The following VPS37C variants were observed in gnomAD, a reference collection of about 807,000 sequenced individuals.
The protein encoded by VPS37C is vacuolar protein sorting-associated protein 37C.
In VPS37C, 9 loss-of-function variants were observed where a neutral mutation model predicts 16.1. The ratio of observed to expected loss-of-function variants is 0.56; its 90% CI spans 0.34 to 0.97. The LOEUF is 0.97. Ranked by LOEUF, VPS37C falls within the 50% of genes least tolerant of loss-of-function variation. The pLI is 0.02. For synonymous variants in VPS37C, 207 were observed against 206.4 expected (o/e 1.00, Z -0.02); for missense variants, 479 against 472.7 (o/e 1.01, Z -0.12).
Position 61,131,630 on chromosome 11 carries a change from C to G in VPS37C, c.*190G>C. On this transcript the variant is annotated 3_prime_UTR_variant, in exon 5 of 5. Transcript: ENST00000301765. ...GAGGGGCTTCCAGGAGGACCTCTGG[C>G]CAGAAGGCCAGCAAGTGCCATGACC... The G allele has an allele frequency of 1.2e-6, 1 of 827,118 alleles. No homozygotes were observed. Among genetic ancestry groups the G allele is most frequent in the Non-Finnish European group, 1.6e-6 (1 of 618,854 alleles). The allele number at this position is 827,118 out of a possible 1,614,324, so 51.2% of individuals were successfully genotyped here.
intron 1 of VPS37C, 180 bp downstream of exon 1, chr11:61,161,211 G>A (rs1318037994): frequency 6.6e-6 from 1 of 152,128 alleles, no homozygotes; most frequent in East Asian, 1.9e-4. Context: ...CCACCGCGAG[G>A]GGCAGGGGCG....
Position 61,132,185 on chromosome 11 carries a change from A to C in VPS37C, c.703T>G (p.Ser235Ala). The C allele has an allele frequency of 6.7e-7, 1 of 1,483,702 alleles. No individual in the cohort carries two copies. The highest frequency in any genetic ancestry group is 9.0e-7 in the Non-Finnish European group (1 of 1,116,914). The allele number at this position is 1,483,702 out of a possible 1,614,324, so 91.9% of individuals were successfully genotyped here. A position where few individuals can be genotyped will look rare whatever the true frequency, so the allele number is the denominator to read the frequency against. The change falls in exon 5 of 5, where the codon TCC (serine) becomes GCC (alanine). Residue 235 changes from serine (S) to alanine (A), a missense_variant. Ser to Ala is a moderately conservative substitution (Grantham distance 99). Coordinates refer to ENST00000301765, the MANE Select transcript of VPS37C (RefSeq NM_017966.5). ...PAPFPVVSQPSFYSGPLGPTY... is the reference protein window; with the variant it reads ...PAPFPVVSQPAFYSGPLGPTY... ...GGGCCCAGAGGCCCGCTGTAGAAGG[A>C]GGGCTGGGACACTACTGGGAAAGGG...
intron 2 of VPS37C, among the ~76,000 whole-genome samples, chr11:61,136,717 T>C (rs1861382206): frequency 1.3e-5 from 2 of 152,248 alleles, no homozygotes. Flanking sequence ...AGGAAGAATC[T>C]ATACTCATAC....
chr11:61,154,235 T>C (rs564658789), intron 1 of VPS37C, among the ~76,000 whole-genome samples: 1 of 152,168 alleles, frequency 6.6e-6, no homozygotes, highest in Non-Finnish European at 1.5e-5. Context: ...AGACTCATAA[T>C]GAGGGAAGCA....
chr11:61,138,937 G>T, intron 1 of VPS37C, 102 bp from the exon 2 acceptor site: 1 of 1,064,116 alleles, frequency 9.4e-7, no homozygotes, highest in Non-Finnish European at 1.4e-6. Flanking sequence ...GAGTTTTCCT[G>T]CGATAATACC....
intron 1 of VPS37C, among the ~76,000 whole-genome samples, chr11:61,156,714 C>CT (rs1853382889): frequency 6.6e-6 from 1 of 152,202 alleles, no homozygotes; most frequent in Non-Finnish European, 1.5e-5. Flanking sequence ...TTTAAATCCT[C>CT]TATTTTTAAA....
At position 61,139,917 on chromosome 11, in the gene VPS37C, A is replaced by T. The variant is rs572169641; in HGVS notation, c.-6-1082T>A. On this transcript the variant is annotated intron_variant, in intron 1 of 4. Transcript: ENST00000301765. ...GTTACCACCTCCAGCTAATTTTTAAATTTTTTGTAGAGACAGGGTCTCACT... is the reference window on the plus strand; with the variant it reads ...GTTACCACCTCCAGCTAATTTTTAATTTTTTTGTAGAGACAGGGTCTCACT... Among the ~76,000 whole-genome samples the T allele has an allele frequency of 1.3e-4, 19 of 151,822 alleles. No homozygotes were observed. In the East Asian group the frequency reaches 2.9e-3, roughly 23 times the overall value.
chr11:61,145,729 A>C (rs1405114535), intron 1 of VPS37C, among the ~76,000 whole-genome samples: 4 of 152,244 alleles, frequency 2.6e-5, no homozygotes, highest in Admixed American at 2.6e-4. Flanking sequence ...GGACAAGTCC[A>C]AAGTGACACT....
chr11:61,139,686 A>G (rs1861439517), intron 1 of VPS37C, among the ~76,000 whole-genome samples: 2 of 151,478 alleles, frequency 1.3e-5, no homozygotes, highest in Non-Finnish European at 2.9e-5. Context: ...CTTTCTGCTG[A>G]CAGGGTCCTC....
chr11:61,147,529 G>A (rs555741230), intron 1 of VPS37C, among the ~76,000 whole-genome samples: 7 of 152,234 alleles, frequency 4.6e-5, no homozygotes, highest in Non-Finnish European at 8.8e-5. Flanking sequence ...CTAGCAGACC[G>A]GGGTGGAAGG....
intron 1 of VPS37C, among the ~76,000 whole-genome samples, chr11:61,155,465 C>T (rs1293289635): frequency 6.6e-6 from 1 of 152,094 alleles, no homozygotes; most frequent in Non-Finnish European, 1.5e-5. Flanking sequence ...CGCCACTGCA[C>T]TCTGGCCTGG....
intron 2 of VPS37C, among the ~76,000 whole-genome samples, chr11:61,134,497 G>C (rs1861331571): frequency 6.6e-6 from 1 of 152,232 alleles, no homozygotes. Context: ...ATCCATGATG[G>C]AATGTGCAGA....
rs548885341 is a variant in VPS37C, at chr11:61,145,809, G to A, written c.-6-6974C>T. On this transcript the variant is annotated intron_variant, in intron 1 of 4. Transcript: ENST00000301765. ...CTAGGGGGTTCCTGAGATGTCCTTCGGGGACCCAGAGTCCATGGGCTTTTG... is the reference window on the plus strand; with the variant it reads ...CTAGGGGGTTCCTGAGATGTCCTTCAGGGACCCAGAGTCCATGGGCTTTTG... 9.9e-5 allele frequency among the ~76,000 whole-genome samples: 15 copies of A among 152,230 alleles called. No homozygotes were observed. The South Asian group carries it at 3.1e-3, about 32-fold the overall frequency.
chr11:61,140,786 G>A (rs1468842206), intron 1 of VPS37C, among the ~76,000 whole-genome samples: 1 of 152,222 alleles, frequency 6.6e-6, no homozygotes, highest in African/African-American at 2.4e-5. Flanking sequence ...AGGAGAGGTA[G>A]CAGCAGCCAT....
In VPS37C at chr11:61,131,342, G is replaced by C; in HGVS notation, c.*478C>G. The stretch of plus-strand genomic sequence containing the variant: ...CCTGCCACAGTGCATGGGCAGGCTA[G>C]CCTTGAATGGACTGGACAGACACCA... On this transcript the variant is annotated 3_prime_UTR_variant, in exon 5 of 5. Transcript: ENST00000301765. 6.3e-6 allele frequency: 1 copy of C among 158,622 alleles called. No homozygotes were observed. Among genetic ancestry groups the C allele is most frequent in the Non-Finnish European group, 1.4e-5 (1 of 72,676 alleles). The allele number at this position is 158,622 out of a possible 1,614,324, so 9.8% of individuals were successfully genotyped here. A position where few individuals can be genotyped will look rare whatever the true frequency, so the allele number is the denominator to read the frequency against.
intron 1 of VPS37C, among the ~76,000 whole-genome samples, chr11:61,150,460 A>G (rs1377137168): frequency 6.6e-6 from 1 of 151,432 alleles, no homozygotes; most frequent in East Asian, 1.9e-4. Flanking sequence ...GGAGGGGTCA[A>G]GTAGCCTAAC....
At chr11:61,132,697 T>C in intron 4 of VPS37C, 158 bp from the exon 5 acceptor site, 2 of 936,622 alleles carry the variant, frequency 2.1e-6, no homozygotes, top group Non-Finnish European at 3.1e-6. Context: ...AGCTGACATA[T>C]GGTACATGCA....
Position 61,161,389 on chromosome 11 carries a change from A to T in VPS37C, c.-7+2T>A, listed in dbSNP as rs1853471980. 1 of 153,872 alleles carries T rather than the reference A, an allele frequency of 6.5e-6. No homozygotes were observed. The highest frequency in any genetic ancestry group is 2.0e-4 in the South Asian group (1 of 5,030). The allele number at this position is 153,872 out of a possible 1,614,324, so 9.5% of individuals were successfully genotyped here. A position where few individuals can be genotyped will look rare whatever the true frequency, so the allele number is the denominator to read the frequency against. Reference sequence around the variant, plus strand: ...CCGGGACCCTCCCCAGTCTCCGCTCACCTGCCAGGGCCGCCGTCGCCGCCG... The same window carrying T: ...CCGGGACCCTCCCCAGTCTCCGCTCTCCTGCCAGGGCCGCCGTCGCCGCCG... On this transcript the variant is annotated splice_donor_variant, in intron 1 of 4. Transcript: ENST00000301765. LOFTEE classifies it low-confidence loss of function (5UTR_SPLICE).
intron 1 of VPS37C, among the ~76,000 whole-genome samples, chr11:61,142,786 T>G (rs2134639696): frequency 9.1e-6 from 1 of 109,598 alleles, no homozygotes; most frequent in East Asian, 2.7e-4. Context: ...GTCTAGAGGT[T>G]AAGAGATGAG....
Sources: allele counts gnomAD v4.1 joint callset (sites outside exome capture counted in the v4.1 genomes callset), GRCh38; gene constraint gnomAD v4.1.1; transcripts MANE v1.5; gene names NCBI Gene and HGNC (gene_info 2026-07-23, HGNC 2026-07-21).